The following RPAP2 variants were observed in gnomAD, a reference collection of about 807,000 sequenced individuals.
RPAP2 encodes putative RNA polymerase II subunit B1 CTD phosphatase RPAP2.
RPAP2 carries 52 observed loss-of-function variants against 73.1 expected under a neutral mutation model. The ratio of observed to expected loss-of-function variants is 0.71; its 90% CI spans 0.57 to 0.90. The LOEUF is 0.90. Ranked by LOEUF, RPAP2 falls within the 40% of genes least tolerant of loss-of-function variation. The probability of loss-of-function intolerance (pLI) is 0.00; values close to 1 mark genes in which losing one functional copy is unlikely to be tolerated. For synonymous variants in RPAP2, 225 were observed against 242.1 expected, an observed-to-expected ratio of 0.93 and a Z score of 0.65; for missense variants, 598 against 701.8, an observed-to-expected ratio of 0.85 and a Z score of 1.67.
intron 10 of RPAP2, among the ~76,000 whole-genome samples, chr1:92,340,405 AGTAACTATT>A (rs1423489575): frequency 1.1e-4 from 17 of 152,240 alleles, no homozygotes; most frequent in Admixed American, 1.1e-3. Context: ...TATTGATGAC[AGTAACTATT>A]GTTGAGAAAT....
intron 12 of RPAP2, among the ~76,000 whole-genome samples, chr1:92,384,563 G>A (rs1015385794): frequency 4.6e-5 from 7 of 150,800 alleles, no homozygotes; most frequent in Non-Finnish European, 8.8e-5. Context: ...GGTGGAGGTC[G>A]CAGTGAGCCG....
intron 8 of RPAP2, among the ~76,000 whole-genome samples, chr1:92,329,652 C>T (rs1349098956): frequency 6.6e-6 from 1 of 152,220 alleles, no homozygotes; most frequent in African/African-American, 2.4e-5. Context: ...GTGGGAACTG[C>T]AAGTTAGTCC....
intron 7 of RPAP2, among the ~76,000 whole-genome samples, chr1:92,320,967 T>C (rs1257962285): frequency 6.6e-6 from 1 of 152,244 alleles, no homozygotes; most frequent in African/African-American, 2.4e-5. Context: ...GAAAGGTTTT[T>C]ACAGTCCTAT....
chr1:92,332,830 T>C (rs1215262844), intron 8 of RPAP2, among the ~76,000 whole-genome samples: 1 of 152,160 alleles, frequency 6.6e-6, no homozygotes, highest in Non-Finnish European at 1.5e-5. Flanking sequence ...ATTAGTGCTC[T>C]ATCTGTAATT....
intron 11 of RPAP2, among the ~76,000 whole-genome samples, chr1:92,371,907 AAC>A (rs1491272921): frequency 1.3e-5 from 2 of 151,106 alleles, no homozygotes; most frequent in Non-Finnish European, 2.9e-5. Context: ...AAAAAAAAAA[AAC>A]CAGAAAAAGC....
chr1:92,373,671 G>A (rs574706395), intron 11 of RPAP2, among the ~76,000 whole-genome samples: 19 of 146,382 alleles, frequency 1.3e-4, no homozygotes, highest in Non-Finnish European at 2.1e-4. Flanking sequence ...CAGGGCAGGC[G>A]GATCACCTGA....
intron 8 of RPAP2, among the ~76,000 whole-genome samples, chr1:92,332,335 T>TA (rs1653017597): frequency 6.6e-6 from 1 of 152,110 alleles, no homozygotes; most frequent in Admixed American, 6.5e-5. Flanking sequence ...AGTTTCCAAT[T>TA]ATCTGTCAAA....
chr1:92,371,586 T>C (rs1177875651), intron 11 of RPAP2, among the ~76,000 whole-genome samples: 1 of 151,800 alleles, frequency 6.6e-6, no homozygotes, highest in Non-Finnish European at 1.5e-5. Flanking sequence ...TATATACATA[T>C]AAACAGCGGC....
At chr1:92,370,645 A>G (rs1655109287) in intron 11 of RPAP2, among the ~76,000 whole-genome samples, 1 of 152,120 alleles carries the variant, frequency 6.6e-6, no homozygotes. Flanking sequence ...CAGTTTTGTG[A>G]AAAGAGACCA....
rs561404888 is a variant in RPAP2, at chr1:92,308,980, A to C, written c.488+1704A>C. On this transcript the variant is annotated intron_variant, in intron 6 of 12. Transcript: ENST00000610020. ...GTCTCAAAAATTAAATAAATAAATA[A>C]AATGAAGTAAAACAGGTCTTCCTGT... 1.7e-4 allele frequency among the ~76,000 whole-genome samples: 26 copies of C among 152,176 alleles called. No homozygotes were observed. In the South Asian group the frequency reaches 5.0e-3, roughly 29 times the overall value.
In RPAP2 at chr1:92,396,435, A is replaced by G. The variant is rs1189632983; in HGVS notation, c.*9424A>G. The G allele has an allele frequency of 6.6e-6, 1 of 152,024 alleles. No individual in the cohort carries two copies. Among genetic ancestry groups the G allele is most frequent in the Non-Finnish European group, 1.5e-5 (1 of 68,020 alleles). The allele number at this position is 152,024 out of a possible 1,614,324, so 9.4% of individuals were successfully genotyped here. ...CTACAATATGGATGCATCTCAAAAC[A>G]TTATGCTTAGTGAAAGAAGTCTGAT... is the stretch of plus-strand genomic sequence containing the variant. On this transcript the variant is annotated 3_prime_UTR_variant, in exon 13 of 13. Coordinates refer to ENST00000610020, the MANE Select transcript of RPAP2 (RefSeq NM_024813.3).
chr1:92,324,194 A>C lies in RPAP2; in HGVS notation c.1274A>C (p.Glu425Ala). ...GATAGTCATTTCCCTGCCTGGAGGG[A>C]ATCTCAGAACAGCTTGGATGAGTCT... ...DPDSHFPAWRESQNSLDESLP... is the reference protein window; with the variant it reads ...DPDSHFPAWRASQNSLDESLP... Residue 425 changes from glutamate (E) to alanine (A), a missense_variant, in exon 8 of 13, where the codon GAA becomes GCA. Around this residue, in one of 3 missense-constraint regions of RPAP2, gnomAD observed 506 missense variants for 612.8 expected, o/e 0.83. Transcript: ENST00000610020. 2 of 1,614,170 alleles carry C rather than the reference A, an allele frequency of 1.2e-6. No homozygotes were observed. The highest frequency in any genetic ancestry group is 1.7e-6 in the Non-Finnish European group (2 of 1,179,996).
intron 6 of RPAP2, among the ~76,000 whole-genome samples, chr1:92,315,345 A>G (rs1194857434): frequency 2.0e-5 from 3 of 152,234 alleles, no homozygotes; most frequent in Non-Finnish European, 4.4e-5. Flanking sequence ...AAGCAATTAC[A>G]ACAGTAACAT....
intron 8 of RPAP2, among the ~76,000 whole-genome samples, chr1:92,326,295 G>C (rs1419530608): frequency 6.6e-6 from 1 of 152,144 alleles, no homozygotes; most frequent in Non-Finnish European, 1.5e-5. Context: ...TTGACCACTT[G>C]GATAATCTCT....
Position 92,396,395 on chromosome 1 carries a change from G to T in RPAP2, c.*9384G>T, listed in dbSNP as rs1656183636. ...CTTTAAATGATATATGTATACAATG[G>T]AGTAGTGATATAGGCTACAATATGG... On this transcript the variant is annotated 3_prime_UTR_variant, in exon 13 of 13. Coordinates refer to ENST00000610020, the MANE Select transcript of RPAP2 (RefSeq NM_024813.3). 6.6e-6 allele frequency: 1 copy of T among 151,704 alleles called. No individual in the cohort carries two copies. The highest frequency in any genetic ancestry group is 1.5e-5 in the Non-Finnish European group (1 of 67,980). The allele number at this position is 151,704 out of a possible 1,614,324, so 9.4% of individuals were successfully genotyped here.
At chr1:92,353,125 A>G (rs1285583619) in intron 11 of RPAP2, among the ~76,000 whole-genome samples, 1 of 152,114 alleles carries the variant, frequency 6.6e-6, no homozygotes, top group Non-Finnish European at 1.5e-5. Context: ...ATTTTTTGCT[A>G]TTTAATGGAT....
intron 11 of RPAP2, among the ~76,000 whole-genome samples, chr1:92,364,245 T>C (rs1654841841): frequency 6.6e-6 from 1 of 152,158 alleles, no homozygotes; most frequent in Admixed American, 6.5e-5. Flanking sequence ...CCATCTATTA[T>C]AGGTATGGAG....
rs971066990 is a variant in RPAP2, at chr1:92,392,493, C to G, written c.*5482C>G. On this transcript the variant is annotated 3_prime_UTR_variant, in exon 13 of 13. Transcript: ENST00000610020. ...CCAGCACAAGGCAAGGATGCCCTCTCTCACCACTCCTATTCAACATAGTAT... is the reference window on the plus strand; with the variant it reads ...CCAGCACAAGGCAAGGATGCCCTCTGTCACCACTCCTATTCAACATAGTAT... 3.3e-5 allele frequency: 5 copies of G among 152,320 alleles called. No individual in the cohort carries two copies. The highest frequency in any genetic ancestry group is 1.2e-4 in the African/African-American group (5 of 41,572). 9.4% of individuals were successfully genotyped at this position (152,320 alleles called of 1,614,324 possible). A position where few individuals can be genotyped will look rare whatever the true frequency, so the allele number is the denominator to read the frequency against.
chr1:92,336,935 A>G lies in RPAP2; in HGVS notation c.1619+508A>G, dbSNP rs191621658. 1.2e-4 allele frequency among the ~76,000 whole-genome samples: 18 copies of G among 152,236 alleles called. 1 individual carries two copies. The highest frequency in any genetic ancestry group is 4.1e-4 in the African/African-American group (17 of 41,566). Reference sequence around the variant, plus strand: ...TAAAGAAAGGGAGAATAGAGAATTGATATCAATTGTGAGTGAAACTGTTGT... The same window carrying G: ...TAAAGAAAGGGAGAATAGAGAATTGGTATCAATTGTGAGTGAAACTGTTGT... On this transcript the variant is annotated intron_variant, in intron 10 of 12. Coordinates refer to ENST00000610020, the MANE Select transcript of RPAP2 (RefSeq NM_024813.3).
Sources: allele counts gnomAD v4.1 joint callset (sites outside exome capture counted in the v4.1 genomes callset), GRCh38; gene constraint gnomAD v4.1.1; regional missense constraint gnomAD v4.1.1; transcripts MANE v1.5; gene names NCBI Gene and HGNC (gene_info 2026-07-23, HGNC 2026-07-21).